The following CNNM1 variants were observed in gnomAD, a reference collection of about 807,000 sequenced individuals.
CNNM1 encodes cyclin and CBS domain divalent metal cation transport mediator 1, also known as metal transporter CNNM1.
Under a neutral mutation model 78.8 loss-of-function variants are expected in CNNM1, and 44 were observed. The observed-to-expected ratio is 0.56, with a 90% CI of 0.44 to 0.72. The LOEUF (loss-of-function observed/expected upper bound fraction) is 0.72. Among genes scored for constraint, CNNM1 ranks in the 30% least tolerant of loss-of-function variants. CNNM1 has a pLI of 0.00. For missense variants in CNNM1, 1,101 were observed against 1,292.2 expected, an observed-to-expected ratio of 0.85 and a Z score of 2.27; for synonymous variants, 584 against 581.5, an observed-to-expected ratio of 1.00 and a Z score of -0.06.
intron 6 of CNNM1, among the ~76,000 whole-genome samples, chr10:99,373,750 CT>C (rs55728133): frequency 0.55 from 83,587 of 152,048 alleles, 26,067 homozygotes; most frequent in Non-Finnish European, 0.71. Flanking sequence ...TATTATTTCC[CT>C]ATGTCCACTT....
At chr10:99,356,514 G>GAAAGAAAGAA (rs1234385335) in intron 1 of CNNM1, among the ~76,000 whole-genome samples, 11 of 142,642 alleles carry the variant, frequency 7.7e-5, no homozygotes, top group African/African-American at 3.0e-4. Context: ...GAGAGAGAAA[G>GAAAGAAAGAA]AGAAAGAGAG....
chr10:99,337,631 C>G (rs2030248742), intron 1 of CNNM1, among the ~76,000 whole-genome samples: 2 of 152,210 alleles, frequency 1.3e-5, no homozygotes, highest in African/African-American at 4.8e-5. Flanking sequence ...GTGCATATCT[C>G]AATCATTGAA....
At chr10:99,388,918 T>C (rs1442368100) in intron 9 of CNNM1, among the ~76,000 whole-genome samples, 1 of 152,136 alleles carries the variant, frequency 6.6e-6, no homozygotes, top group African/African-American at 2.4e-5. Context: ...GCCTTGACAG[T>C]GGTGTTGCTC....
intron 1 of CNNM1, among the ~76,000 whole-genome samples, chr10:99,349,987 A>G (rs1475912148): frequency 6.6e-6 from 1 of 152,168 alleles, no homozygotes; most frequent in African/African-American, 2.4e-5. Flanking sequence ...CAACAGAGTG[A>G]GACTCAGTCT....
At chr10:99,382,228 T>G (rs1022853294) in intron 7 of CNNM1, among the ~76,000 whole-genome samples, 1 of 152,348 alleles carries the variant, frequency 6.6e-6, no homozygotes, top group Non-Finnish European at 1.5e-5. Context: ...CTAATAGTTA[T>G]CTGGGAAAGG....
At chr10:99,334,776 G>A (rs559028083) in intron 1 of CNNM1, among the ~76,000 whole-genome samples, 1 of 152,318 alleles carries the variant, frequency 6.6e-6, no homozygotes, top group Non-Finnish European at 1.5e-5. Flanking sequence ...AGGTAGAAGA[G>A]GAAAATGACG....
Position 99,330,183 on chromosome 10 carries a change from C to T in CNNM1, c.796C>T (p.Gln266Ter). Residue 266 changes from glutamine to a stop codon, truncating the protein, a stop_gained, in exon 1 of 11, where the codon CAG (glutamine) becomes TAG (stop). Transcript: ENST00000356713. LOFTEE classifies it high-confidence loss of function. ...GCGGAACAGCGGCTCGGCCGCCGAG[C>T]AGGAGCAGGCGCGCCGCGTGCAGGC... Reference protein sequence around the residue: ...VLRNSGSAAEQEQARRVQAVR... With the variant: ...VLRNSGSAAE 6.6e-7 allele frequency: 1 copy of T among 1,514,676 alleles called. No homozygotes were observed. The highest frequency in any genetic ancestry group is 8.8e-7 in the Non-Finnish European group (1 of 1,136,652). The allele number at this position is 1,514,676 out of a possible 1,614,324, so 93.8% of individuals were successfully genotyped here. A position where few individuals can be genotyped will look rare whatever the true frequency, so the allele number is the denominator to read the frequency against.
In CNNM1 at chr10:99,329,985, G is replaced by C. The variant is rs1291875731; in HGVS notation, c.598G>C (p.Ala200Pro). The change falls in exon 1 of 11, where the codon GCC becomes CCC. Residue 200 changes from alanine to proline, a missense_variant. Transcript: ENST00000356713. ...DGRAWHHHGA[A>P]GGFLLRVRPR... Reference sequence around the variant, plus strand: ...GCGCGCGTGGCACCACCACGGCGCCGCCGGCGGCTTCCTGCTGCGCGTTCG... The same window carrying C: ...GCGCGCGTGGCACCACCACGGCGCCCCCGGCGGCTTCCTGCTGCGCGTTCG... 3 of 1,390,052 alleles carry C rather than the reference G, an allele frequency of 2.2e-6. No homozygotes were observed. The highest frequency in any genetic ancestry group is 1.8e-6 in the Non-Finnish European group (2 of 1,083,676). 86.1% of individuals were successfully genotyped at this position (1,390,052 alleles called of 1,614,324 possible).
intron 1 of CNNM1, among the ~76,000 whole-genome samples, chr10:99,333,037 AGGTTT>A (rs1410558175): frequency 1.3e-5 from 2 of 152,188 alleles, no homozygotes; most frequent in African/African-American, 2.4e-5. Flanking sequence ...GGTGTCTGGC[AGGTTT>A]GGTTCCTTCT....
In CNNM1 at chr10:99,329,840, CG is replaced by C. The variant is rs1484225284; in HGVS notation, c.458del (p.Gly153AlafsTer81). 3 of 1,419,916 alleles carry C rather than the reference CG, an allele frequency of 2.1e-6. No individual in the cohort carries two copies. Among genetic ancestry groups the C allele is most frequent in the South Asian group, 1.5e-5 (1 of 66,012 alleles). The allele number at this position is 1,419,916 out of a possible 1,614,324, so 88.0% of individuals were successfully genotyped here. On this transcript the variant is annotated frameshift_variant, in exon 1 of 11. Transcript: ENST00000356713. LOFTEE classifies it high-confidence loss of function. The stretch of plus-strand genomic sequence containing the variant: ...TGGAAGTCCTGGGGCCCTTGCGTCC[CG>C]GGGGCGTGGCAGGCTCGGCCCTGGT... The part of the protein sequence containing the change: ...DVEVLGPLRP[G>X]GVAGSALVQV...
rs761156967 is a variant in CNNM1 at position 99,330,677 on chromosome 10, G to A, written c.1290G>A (p.Glu430=). 4 of 1,613,904 alleles carry A rather than the reference G, an allele frequency of 2.5e-6. No individual in the cohort carries two copies. Among genetic ancestry groups the A allele is most frequent in the Admixed American group, 1.7e-5 (1 of 60,006 alleles). The change falls in exon 1 of 11, where the codon GAG becomes GAA. Residue 430 remains glutamate, a synonymous_variant. Coordinates refer to ENST00000356713, the MANE Select transcript of CNNM1 (RefSeq NM_020348.3). ...TGGAGCTGCGCACCAAAGTTGTGGA[G>A]GAGGTGCTGACCCCCCTGGGAGACT... ...GALELRTKVV[E]EVLTPLGDCF...
At position 99,388,406 on chromosome 10, in the gene CNNM1, C is replaced by T. The variant is rs899641424; in HGVS notation, c.2674+105C>T. 211 of 1,357,496 alleles carry T rather than the reference C, an allele frequency of 1.6e-4. 1 individual carries two copies. Among genetic ancestry groups the T allele is most frequent in the African/African-American group, 1.0e-4 (7 of 69,048 alleles). 84.1% of individuals were successfully genotyped at this position (1,357,496 alleles called of 1,614,324 possible). ...TGAGGGGAGCCCTGGGACCGCAGCC[C>T]GTGCGTTAAACCTCCGACCTCCTTA... On this transcript the variant is annotated intron_variant, in intron 9 of 10. Transcript: ENST00000356713.
At position 99,364,436 on chromosome 10, in the gene CNNM1, T is replaced by C; in HGVS notation, c.2048T>C (p.Val683Ala). Residue 683 changes from valine to alanine, a missense_variant, in exon 5 of 11, where the codon GTT becomes GCT. Coordinates refer to ENST00000356713, the MANE Select transcript of CNNM1 (RefSeq NM_020348.3). ...TTCCAGGGTAAAGTGGAGGTGGAGG[T>C]TGGTAAGGAAGGCCTTCGCTTTGAA... Reference protein sequence around the residue: ...LLLQGKVEVEVGKEGLRFENG... With the variant: ...LLLQGKVEVEAGKEGLRFENG... 6.2e-7 allele frequency: 1 copy of C among 1,611,778 alleles called. No individual in the cohort carries two copies. The highest frequency in any genetic ancestry group is 2.2e-5 in the East Asian group (1 of 44,802).
At chr10:99,331,066 G>T in intron 1 of CNNM1, 106 bp downstream of exon 1, 2 of 1,173,662 alleles carry the variant, frequency 1.7e-6, no homozygotes, top group Non-Finnish European at 2.4e-6. Context: ...CTCTCCTATG[G>T]TACTAAAAAC....
At chr10:99,386,495 T>C (rs2032309197) in intron 7 of CNNM1, among the ~76,000 whole-genome samples, 1 of 152,232 alleles carries the variant, frequency 6.6e-6, no homozygotes, top group Admixed American at 6.5e-5. Context: ...AAATGGGCAG[T>C]AGTATAACTA....
At chr10:99,382,303 A>C (rs902595106) in intron 7 of CNNM1, among the ~76,000 whole-genome samples, 1 of 152,222 alleles carries the variant, frequency 6.6e-6, no homozygotes, top group African/African-American at 2.4e-5. Flanking sequence ...ATTCTTATGA[A>C]GTAAGTTTTT....
intron 7 of CNNM1, among the ~76,000 whole-genome samples, chr10:99,384,815 C>T (rs1013916643): frequency 6.6e-6 from 1 of 152,072 alleles, no homozygotes; most frequent in Non-Finnish European, 1.5e-5. Flanking sequence ...CCTGTAATCC[C>T]AGCACTTTGG....
At position 99,364,402 on chromosome 10, in the gene CNNM1, T is replaced by A; in HGVS notation, c.2029-15T>A. 7.1e-7 allele frequency: 1 copy of A among 1,407,520 alleles called. No homozygotes were observed. The highest frequency in any genetic ancestry group is 9.4e-7 in the Non-Finnish European group (1 of 1,058,582). 87.2% of individuals were successfully genotyped at this position (1,407,520 alleles called of 1,614,324 possible). A position where few individuals can be genotyped will look rare whatever the true frequency, so the allele number is the denominator to read the frequency against. Reference sequence around the variant, plus strand: ...CATACACATTCATAGTACACTTCCTTTTTTTTTTTTCCAGGGTAAAGTGGA... The same window carrying A: ...CATACACATTCATAGTACACTTCCTATTTTTTTTTTCCAGGGTAAAGTGGA... On this transcript the variant is annotated splice_polypyrimidine_tract_variant and intron_variant, in intron 4 of 10. Transcript: ENST00000356713.
chr10:99,342,947 C>G (rs2030518170), intron 1 of CNNM1, among the ~76,000 whole-genome samples: 1 of 151,914 alleles, frequency 6.6e-6, no homozygotes, highest in South Asian at 2.1e-4. Flanking sequence ...ATCACCTAGT[C>G]CCATCTTTTT....
Sources: allele counts gnomAD v4.1 joint callset (sites outside exome capture counted in the v4.1 genomes callset), GRCh38; gene constraint gnomAD v4.1.1; transcripts MANE v1.5; gene names NCBI Gene and HGNC (gene_info 2026-07-23, HGNC 2026-07-21).